The following KREMEN1 variants were observed in gnomAD, a reference collection of about 807,000 sequenced individuals.
KREMEN1 encodes the protein kremen protein 1.
In KREMEN1, 30 loss-of-function variants were observed where a neutral mutation model predicts 46.5. The ratio of observed to expected loss-of-function variants is 0.65; its 90% confidence interval spans 0.48 to 0.88. KREMEN1 has a LOEUF of 0.88. KREMEN1 is among the 40% of genes least tolerant of loss of function. The pLI, the probability that KREMEN1 is intolerant of heterozygous loss-of-function variation, is 0.00. For synonymous variants in KREMEN1, 214 were observed against 230.6 expected, an observed-to-expected ratio of 0.93 and a Z score of 0.65; for missense variants, 533 against 596.9, an observed-to-expected ratio of 0.89 and a Z score of 1.11.
intron 9 of KREMEN1, chr22:29,154,731 T>G (rs1472080768): frequency 6.6e-6 from 1 of 152,212 alleles, no homozygotes; most frequent in Non-Finnish European, 1.5e-5. Context: ...AGCGCGGTGA[T>G]GCGTGCCTGT....
chr22:29,105,501 A>ACACACACG, intron 3 of KREMEN1, among the ~76,000 whole-genome samples: 1 of 152,210 alleles, frequency 6.6e-6, no homozygotes, highest in Non-Finnish European at 1.5e-5. Flanking sequence ...ACACACACAC[A>ACACACACG]CACACACACA....
At chr22:29,100,094 C>CTTTTTTTTTTT (rs71196622) in intron 3 of KREMEN1, among the ~76,000 whole-genome samples, 1 of 118,578 alleles carries the variant, frequency 8.4e-6, no homozygotes, top group African/African-American at 3.4e-5. Flanking sequence ...CTTGACTAGT[C>CTTTTTTTTTTT]TTTTTTTTTT....
Position 29,146,035 on chromosome 22 carries a change from G to T in KREMEN1, c.*3923G>T, listed in dbSNP as rs138213533. On this transcript the variant is annotated 3_prime_UTR_variant, in exon 9 of 9. Transcript: ENST00000400335. ...GCTTACTCTTCACAAGCACTTATACGCGGATGGCCTCCGAGACCCTGCCTC... is the reference window on the plus strand; with the variant it reads ...GCTTACTCTTCACAAGCACTTATACTCGGATGGCCTCCGAGACCCTGCCTC... The T allele has an allele frequency of 1.9e-5, 19 of 985,910 alleles. No individual in the cohort carries two copies. In the African/African-American group the frequency reaches 3.1e-4, roughly 16 times the overall value. The allele number at this position is 985,910 out of a possible 1,614,324, so 61.1% of individuals were successfully genotyped here. A position where few individuals can be genotyped will look rare whatever the true frequency, so the allele number is the denominator to read the frequency against.
chr22:29,108,218 C>G (rs939449715), intron 3 of KREMEN1, among the ~76,000 whole-genome samples: 1 of 152,186 alleles, frequency 6.6e-6, no homozygotes, highest in African/African-American at 2.4e-5. Flanking sequence ...ACCCAGGAGG[C>G]GGAGGTTGCG....
intron 4 of KREMEN1, among the ~76,000 whole-genome samples, chr22:29,124,132 T>C (rs1206714183): frequency 2.0e-5 from 3 of 152,224 alleles, no homozygotes; most frequent in Non-Finnish European, 4.4e-5. Flanking sequence ...CAAATGCTTA[T>C]AGCAGTTCTA....
At chr22:29,137,028 C>A (rs371896988) in intron 5 of KREMEN1, among the ~76,000 whole-genome samples, 1 of 152,198 alleles carries the variant, frequency 6.6e-6, no homozygotes, top group Non-Finnish European at 1.5e-5. Flanking sequence ...AAGAGGCCCG[C>A]GAGTGAAGTG....
intron 1 of KREMEN1, among the ~76,000 whole-genome samples, chr22:29,087,658 C>T (rs1015539144): frequency 3.9e-5 from 6 of 152,066 alleles, no homozygotes; most frequent in Non-Finnish European, 7.4e-5. Flanking sequence ...CTCCGCCTCC[C>T]GGGTTTAAGT....
chr22:29,126,234 A>G (rs1387656901), intron 5 of KREMEN1, among the ~76,000 whole-genome samples: 2 of 152,142 alleles, frequency 1.3e-5, no homozygotes, highest in African/African-American at 4.8e-5. Context: ...GCTAGTTTTG[A>G]GCAAAAATGA....
intron 3 of KREMEN1, among the ~76,000 whole-genome samples, chr22:29,118,548 C>A (rs1408436583): frequency 3.9e-5 from 6 of 152,112 alleles, no homozygotes; most frequent in African/African-American, 1.4e-4. Flanking sequence ...CTGGTGAGGC[C>A]TCTCTTCCTA....
intron 1 of KREMEN1, among the ~76,000 whole-genome samples, chr22:29,076,115 C>A (rs2037565774): frequency 6.6e-6 from 1 of 152,186 alleles, no homozygotes; most frequent in Admixed American, 6.5e-5. Flanking sequence ...TAGGTCCCAT[C>A]TGGAATTTAT....
At chr22:29,124,817 G>A (rs2038414879) in intron 4 of KREMEN1, among the ~76,000 whole-genome samples, 1 of 152,146 alleles carries the variant, frequency 6.6e-6, no homozygotes, top group African/African-American at 2.4e-5. Context: ...CTATACAAGT[G>A]TTAAAATTTA....
Position 29,142,291 on chromosome 22 carries a change from G to A in KREMEN1, c.*179G>A. The A allele has an allele frequency of 7.6e-7, 1 of 1,321,710 alleles. No individual in the cohort carries two copies. The highest frequency in any genetic ancestry group is 9.6e-7 in the Non-Finnish European group (1 of 1,040,790). The allele number at this position is 1,321,710 out of a possible 1,614,324, so 81.9% of individuals were successfully genotyped here. ...GCACCCTGCTGCCAGGGCAGGCAGA[G>A]CCTGGATTCCTCCTGCTTCATCGAT... On this transcript the variant is annotated 3_prime_UTR_variant, in exon 9 of 9. Coordinates refer to ENST00000400335, the MANE Select transcript of KREMEN1 (RefSeq NM_001039570.3).
At chr22:29,109,612 G>A (rs1236346218) in intron 3 of KREMEN1, among the ~76,000 whole-genome samples, 1 of 152,168 alleles carries the variant, frequency 6.6e-6, no homozygotes, top group Non-Finnish European at 1.5e-5. Flanking sequence ...CCTGAGTAGA[G>A]GAGTGGACAA....
intron 6 of KREMEN1, 31 bp from the exon 7 acceptor site, chr22:29,138,593 T>C (rs1351756887): frequency 7.5e-6 from 12 of 1,600,702 alleles, no homozygotes; most frequent in Non-Finnish European, 1.0e-5. Context: ...TCCATAGCCC[T>C]GTCCCCAGTT....
rs571547706 is a variant in KREMEN1 at position 29,129,944 on chromosome 22, G to A, written c.631+4528G>A. Among the ~76,000 whole-genome samples the A allele has an allele frequency of 3.3e-5, 5 of 152,182 alleles. No individual in the cohort carries two copies. The East Asian group carries it at 9.6e-4, about 29-fold the overall frequency. ...TTTATTGAATTAACATAACCAAACA[G>A]AAGAACATGTAGGCCAGAGTCAACA... On this transcript the variant is annotated intron_variant, in intron 5 of 8. Coordinates refer to ENST00000400335, the MANE Select transcript of KREMEN1 (RefSeq NM_001039570.3).
chr22:29,103,117 C>T (rs1369400257), intron 3 of KREMEN1, among the ~76,000 whole-genome samples: 1 of 152,140 alleles, frequency 6.6e-6, no homozygotes, highest in Non-Finnish European at 1.5e-5. Context: ...GCCACTTTTG[C>T]CCTATTTCTG....
intron 7 of KREMEN1, among the ~76,000 whole-genome samples, chr22:29,139,581 T>A (rs2038728133): frequency 6.6e-6 from 1 of 151,442 alleles, no homozygotes; most frequent in Non-Finnish European, 1.5e-5. Flanking sequence ...CCAACCTGGG[T>A]GACAGAATGA....
At chr22:29,153,213 G>A (rs1176152889) in intron 9 of KREMEN1, among the ~76,000 whole-genome samples, 1 of 152,222 alleles carries the variant, frequency 6.6e-6, no homozygotes, top group Non-Finnish European at 1.5e-5. Flanking sequence ...GTTTTGTCCG[G>A]CTTCTTCACT....
chr22:29,080,903 G>A (rs957303878), intron 1 of KREMEN1, among the ~76,000 whole-genome samples: 2 of 149,026 alleles, frequency 1.3e-5, no homozygotes, highest in African/African-American at 5.0e-5. Flanking sequence ...TAGCACTGAG[G>A]TTGAGAAACC....
Sources: gnomAD v4.1 joint callset for allele counts (sites outside exome capture counted in the v4.1 genomes callset) on GRCh38, gnomAD v4.1.1 for gene constraint, MANE v1.5 for transcripts, NCBI Gene and HGNC (gene_info 2026-07-23, HGNC 2026-07-21) for gene names.